Variants in ZNF277 observed in about 807,000 individuals in gnomAD.
ZNF277 encodes zinc finger protein 277, also known as nuclear receptor-interacting factor 4.
Under a neutral mutation model 60.7 loss-of-function variants are expected in ZNF277, and 55 were observed. The observed-to-expected ratio is 0.91, with a 90% confidence interval of 0.73 to 1.13. The LOEUF is 1.13. ZNF277 is among the 50% of genes most tolerant of loss of function. The pLI, the probability that ZNF277 is intolerant of heterozygous loss-of-function variation, is 0.00. For synonymous variants in ZNF277, 178 were observed against 179.3 expected (o/e 0.99, Z 0.06); for missense variants, 510 against 523.0 (o/e 0.98, Z 0.24).
At chr7:112,226,368 T>C (rs1051175337) in intron 1 of ZNF277, among the ~76,000 whole-genome samples, 2 of 152,160 alleles carry the variant, frequency 1.3e-5, no homozygotes, top group African/African-American at 4.8e-5. Flanking sequence ...CTCCATTATA[T>C]ACAAGAAGCC....
chr7:112,210,081 G>T (rs1255695067), intron 1 of ZNF277, among the ~76,000 whole-genome samples: 4 of 152,036 alleles, frequency 2.6e-5, no homozygotes, highest in Non-Finnish European at 5.9e-5. Flanking sequence ...AACCAATATG[G>T]CACATGTATA....
intron 11 of ZNF277, among the ~76,000 whole-genome samples, chr7:112,341,533 C>G (rs62473149): frequency 0.041 from 6,097 of 150,114 alleles, 172 homozygotes; most frequent in Middle Eastern, 0.088. Flanking sequence ...AAGCTGAACT[C>G]CTAGAAATAA....
In ZNF277 at chr7:112,286,872, G is replaced by C. The variant is rs947084890; in HGVS notation, c.92-1G>C. ...TTTTTTTTTTTTTTGGTCTATTCCA[G>C]ACAGTAAGGATTGTATCCTGGAGCC... On this transcript the variant is annotated splice_acceptor_variant, in intron 1 of 11. Transcript: ENST00000361822. LOFTEE classifies it high-confidence loss of function. The C allele has an allele frequency of 2.0e-6, 2 of 988,722 alleles. No homozygotes were observed. The highest frequency in any genetic ancestry group is 2.4e-5 in the Admixed American group (1 of 41,586). The allele number at this position is 988,722 out of a possible 1,614,324, so 61.2% of individuals were successfully genotyped here.
chr7:112,304,507 A>G (rs1256579205), intron 4 of ZNF277, among the ~76,000 whole-genome samples: 2 of 152,182 alleles, frequency 1.3e-5, no homozygotes, highest in Non-Finnish European at 2.9e-5. Flanking sequence ...TGTTGAAGCT[A>G]TACATCATTA....
intron 1 of ZNF277, among the ~76,000 whole-genome samples, chr7:112,274,117 G>A (rs1377725675): frequency 2.6e-5 from 4 of 151,606 alleles, no homozygotes; most frequent in African/African-American, 9.7e-5. Context: ...TAAATGAGTG[G>A]TTATATGGTA....
intron 1 of ZNF277, among the ~76,000 whole-genome samples, chr7:112,267,612 T>TC (rs1791579080): frequency 6.6e-6 from 1 of 152,240 alleles, no homozygotes; most frequent in South Asian, 2.1e-4. Context: ...TGCCTTTTTT[T>TC]CTCTCTTTCT....
intron 4 of ZNF277, among the ~76,000 whole-genome samples, chr7:112,307,454 C>T (rs1326112809): frequency 6.6e-6 from 1 of 151,802 alleles, no homozygotes; most frequent in Non-Finnish European, 1.5e-5. Context: ...CTCACTCTGT[C>T]GCCAGGCTGG....
intron 4 of ZNF277, among the ~76,000 whole-genome samples, chr7:112,300,034 C>G (rs1400091185): frequency 1.3e-5 from 2 of 152,150 alleles, no homozygotes; most frequent in African/African-American, 4.8e-5. Context: ...CTAGTCCTCC[C>G]TATACTCCTA....
intron 4 of ZNF277, 24 bp from the exon 5 acceptor site, chr7:112,318,158 C>A (rs745851217): frequency 1.3e-6 from 2 of 1,589,236 alleles, no homozygotes; most frequent in Non-Finnish European, 1.7e-6. Context: ...AAGATAATAC[C>A]ATAAATCTGT....
At chr7:112,321,058 A>T (rs909014126) in intron 5 of ZNF277, among the ~76,000 whole-genome samples, 1 of 150,574 alleles carries the variant, frequency 6.6e-6, no homozygotes, top group Non-Finnish European at 1.5e-5. Context: ...AGTAGCTGGG[A>T]CTACAGGCGC....
At chr7:112,237,838 C>T (rs11768608) in intron 1 of ZNF277, among the ~76,000 whole-genome samples, 20,371 of 152,158 alleles carry the variant, frequency 0.13, 1,433 homozygotes, top group East Asian at 0.16. Context: ...GCCAGTAACA[C>T]CCTGATGTCA....
intron 4 of ZNF277, among the ~76,000 whole-genome samples, chr7:112,301,266 G>T (rs1236343503): frequency 6.6e-6 from 1 of 151,848 alleles, no homozygotes; most frequent in African/African-American, 2.4e-5. Flanking sequence ...GCCTCCTAAG[G>T]TGCTGGAATT....
intron 7 of ZNF277, chr7:112,330,442 A>C: frequency 1.9e-6 from 1 of 534,304 alleles, no homozygotes; most frequent in Non-Finnish European, 3.2e-6. Context: ...TGTCTCTAGA[A>C]CTCACAGTCA....
At chr7:112,338,750 T>C (rs947690132) in intron 9 of ZNF277, among the ~76,000 whole-genome samples, 5 of 152,260 alleles carry the variant, frequency 3.3e-5, no homozygotes, top group African/African-American at 4.8e-5. Flanking sequence ...ATTTAATTCA[T>C]AATATCTTAA....
At chr7:112,210,617 G>A (rs540293367) in intron 1 of ZNF277, among the ~76,000 whole-genome samples, 11 of 152,026 alleles carry the variant, frequency 7.2e-5, no homozygotes, top group South Asian at 2.1e-4. Flanking sequence ...GATTACAGGC[G>A]TGTGCCACCA....
intron 1 of ZNF277, among the ~76,000 whole-genome samples, chr7:112,282,683 G>A (rs564499237): frequency 1.3e-5 from 2 of 152,328 alleles, no homozygotes; most frequent in African/African-American, 4.8e-5. Flanking sequence ...CCTAGATTGA[G>A]ACCTTCCTCT....
chr7:112,311,255 G>A (rs1050821059), intron 4 of ZNF277, among the ~76,000 whole-genome samples: 2 of 151,970 alleles, frequency 1.3e-5, no homozygotes, highest in African/African-American at 4.8e-5. Context: ...GAAAGACTAG[G>A]CATTGACCCC....
At chr7:112,293,218 G>A (rs1248426138) in intron 2 of ZNF277, among the ~76,000 whole-genome samples, 2 of 152,018 alleles carry the variant, frequency 1.3e-5, no homozygotes, top group Admixed American at 6.6e-5. Flanking sequence ...AATTTAAAAA[G>A]CAAAACTGCT....
chr7:112,288,387 A>G (rs1792118943), intron 2 of ZNF277: 1 of 152,156 alleles, frequency 6.6e-6, no homozygotes, highest in African/African-American at 2.4e-5. Flanking sequence ...GCCATATAAA[A>G]CATTCCTAGC....
Sources: allele counts gnomAD v4.1 joint callset (sites outside exome capture counted in the v4.1 genomes callset), GRCh38; gene constraint gnomAD v4.1.1; transcripts MANE v1.5; gene names NCBI Gene and HGNC (gene_info 2026-07-23, HGNC 2026-07-21).